COL8A2: variants seen among roughly 807,000 people sequenced by gnomAD.
COL8A2 encodes collagen type VIII alpha 2 chain, also known as collagen alpha-2(VIII) chain.
Under a neutral mutation model 24.0 loss-of-function variants are expected in COL8A2, and 16 were observed. The ratio of observed to expected loss-of-function variants is 0.67; its 90% CI spans 0.45 to 1.01. The LOEUF is 1.01. Among genes scored for constraint, COL8A2 ranks in the 50% least tolerant of loss-of-function variants. The pLI, the probability that COL8A2 is intolerant of heterozygous loss-of-function variation, is 0.00. For missense variants in COL8A2, 818 were observed against 942.4 expected (o/e 0.87, Z 1.73); for synonymous variants, 466 against 424.5 (o/e 1.10, Z -1.20).
In COL8A2 at chr1:36,115,084, C is replaced by G. The variant is rs1234151590; in HGVS notation, c.-17+624G>C. 6.6e-6 allele frequency among the ~76,000 whole-genome samples: 1 copy of G among 152,144 alleles called. No individual in the cohort carries two copies. The highest frequency in any genetic ancestry group is 1.5e-5 in the Non-Finnish European group (1 of 68,016). ...CAGCCATGTACCCTCAGGCAGGTAGCCAGGCAGCTGGCCCTTCCCCACCCA... is the reference window on the plus strand; with the variant it reads ...CAGCCATGTACCCTCAGGCAGGTAGGCAGGCAGCTGGCCCTTCCCCACCCA... On this transcript the variant is annotated intron_variant, in intron 2 of 3. Transcript: ENST00000397799. This position sits in a 1 kb window ranked among gnomAD's most constrained non-coding sequence, Gnocchi z 5.7.
chr1:36,098,940 G>T lies in COL8A2; in HGVS notation c.741C>A (p.Ala247=). Residue 247 remains alanine (A), a synonymous_variant, in exon 4 of 4, where the codon GCC becomes GCA. Transcript: ENST00000397799. ...GCCCAGACTCACCCTTGTCTCCTGG[G>T]GCCCCAGGAAGCCCATCCAAACCAG... ...GKPGLDGLPG[A]PGDKGESGPP... is the part of the protein sequence containing the mutation. 1 of 1,611,196 alleles carries T rather than the reference G, an allele frequency of 6.2e-7. No homozygotes were observed. Among genetic ancestry groups the T allele is most frequent in the South Asian group, 1.1e-5 (1 of 91,032 alleles).
In COL8A2 at chr1:36,098,204, CA is replaced by C. The variant is rs1643606960; in HGVS notation, c.1476del (p.Gly493GlufsTer100). 11 of 1,538,878 alleles carry C rather than the reference CA, an allele frequency of 7.1e-6. No homozygotes were observed. Among genetic ancestry groups the C allele is most frequent in the Non-Finnish European group, 9.6e-6 (11 of 1,143,524 alleles). On this transcript the variant is annotated frameshift_variant, in exon 4 of 4. Transcript: ENST00000397799. LOFTEE classifies it high-confidence loss of function. ...LKGEPGLPGP[P>X]GEGRAGEPGT... is the part of the protein sequence containing the mutation. ...CCAGGTTCCCCTGCTCTCCCCTCTCCAGGGGGCCCTGGCAGGCCTGGTTCCC... is the reference window on the plus strand; with the variant it reads ...CCAGGTTCCCCTGCTCTCCCCTCTCCGGGGGCCCTGGCAGGCCTGGTTCCC...
At chr1:36,099,576 T>A in intron 3 of COL8A2, 89 bp from the exon 4 acceptor site, 1 of 975,484 alleles carries the variant, frequency 1.0e-6, no homozygotes, top group Non-Finnish European at 1.6e-6. Flanking sequence ...CAGTATGAGG[T>A]ACACGGGAGA....
chr1:36,117,304 C>T (rs964063319), intron 1 of COL8A2, among the ~76,000 whole-genome samples: 1 of 152,264 alleles, frequency 6.6e-6, no homozygotes, highest in African/African-American at 2.4e-5. Context: ...CCCTCCAGCT[C>T]AGCTTAGCCC....
intron 2 of COL8A2, among the ~76,000 whole-genome samples, chr1:36,111,590 A>C (rs182001799): frequency 1.3e-5 from 2 of 150,392 alleles, no homozygotes; most frequent in African/African-American, 4.9e-5. Context: ...TCTGTCACCC[A>C]GGCTGGAGTT....
intron 2 of COL8A2, among the ~76,000 whole-genome samples, chr1:36,114,218 C>T (rs1402128706): frequency 1.3e-5 from 2 of 149,936 alleles, no homozygotes; most frequent in Admixed American, 6.7e-5. Context: ...ACTCGGGAGG[C>T]TGAGGAAGGA....
Position 36,115,199 on chromosome 1 carries a change from G to C in COL8A2, c.-17+509C>G, listed in dbSNP as rs922335744. ...AACTGGACATCCGAGGGCCCCTACA[G>C]ACCCAGCCACCCCCAGGCCTCAGGC... On this transcript the variant is annotated intron_variant, in intron 2 of 3. Transcript: ENST00000397799. The surrounding 1 kb of genome is among the most constrained non-coding windows in gnomAD (Gnocchi z 5.7). Among the ~76,000 whole-genome samples, 8 of 152,180 alleles carry C rather than the reference G, an allele frequency of 5.3e-5. No homozygotes were observed. The highest frequency in any genetic ancestry group is 1.9e-4 in the African/African-American group (8 of 41,450).
intron 1 of COL8A2, among the ~76,000 whole-genome samples, chr1:36,119,692 A>G (rs1381085829): frequency 6.6e-6 from 1 of 152,256 alleles, no homozygotes; most frequent in African/African-American, 2.4e-5. Flanking sequence ...GGCAGCCAGC[A>G]CAGTGGGAAG....
intron 2 of COL8A2, among the ~76,000 whole-genome samples, chr1:36,107,710 G>A (rs1006257584): frequency 6.6e-5 from 10 of 152,164 alleles, no homozygotes; most frequent in Middle Eastern, 3.4e-3. Context: ...CAGGGACGAC[G>A]GTTTGCCCCC....
Position 36,106,261 on chromosome 1 carries a change from C to CA in COL8A2, c.-16-6004dup, listed in dbSNP as rs565342046. On this transcript the variant is annotated intron_variant, in intron 2 of 3. Transcript: ENST00000397799. ...CTTGGGCGACAGAGAGAGACTCCGT[C>CA]AAAAAAAAAACAACAAAAAAAAAAA... is the stretch of plus-strand genomic sequence containing the variant. Among the ~76,000 whole-genome samples, 239 of 125,984 alleles carry CA rather than the reference C, an allele frequency of 1.9e-3. 2 individuals are homozygous for CA. The East Asian group carries it at 0.021, about 11-fold the overall frequency. The allele number at this position is 125,984 out of a possible 152,430, so 82.7% of individuals were successfully genotyped here.
chr1:36,119,760 G>T (rs555238337), intron 1 of COL8A2, among the ~76,000 whole-genome samples: 1 of 152,216 alleles, frequency 6.6e-6, no homozygotes. Context: ...GACACTGGAC[G>T]GGTGTGGAGA....
Position 36,100,026 on chromosome 1 carries a change from ACTGTGGGGT to A in COL8A2, c.193+15_193+23del. Reference sequence around the variant, plus strand: ...TTGGGGGCTGGGAGCGATTTGAGGCACTGTGGGGTGAGGAGGCTCTCACCCAGGTACTGG... The same window carrying A: ...TTGGGGGCTGGGAGCGATTTGAGGCAGAGGAGGCTCTCACCCAGGTACTGG... On this transcript the variant is annotated intron_variant, in intron 3 of 3. Transcript: ENST00000397799. 2.5e-6 allele frequency: 4 copies of A among 1,605,588 alleles called. No homozygotes were observed. The highest frequency in any genetic ancestry group is 3.4e-6 in the Non-Finnish European group (4 of 1,173,294).
At position 36,095,740 on chromosome 1, in the gene COL8A2, C is replaced by G. The variant is rs1369249152; in HGVS notation, c.*1829G>C. The G allele has an allele frequency of 6.6e-6, 1 of 152,112 alleles. No homozygotes were observed. The highest frequency in any genetic ancestry group is 1.5e-5 in the Non-Finnish European group (1 of 68,024). 9.4% of individuals were successfully genotyped at this position (152,112 alleles called of 1,614,324 possible). ...TGCCAATCAGAACCCATCCCTAACA[C>G]ATCAGATGATAGTGGCTTTGACCTA... On this transcript the variant is annotated 3_prime_UTR_variant, in exon 4 of 4. Transcript: ENST00000397799.
At chr1:36,121,946 A>G (rs1643917627) in intron 1 of COL8A2, among the ~76,000 whole-genome samples, 1 of 152,042 alleles carries the variant, frequency 6.6e-6, no homozygotes, top group Non-Finnish European at 1.5e-5. Context: ...CCCATGAGGC[A>G]CTAGCCCTCC....
chr1:36,118,912 G>C (rs976029773), intron 1 of COL8A2, among the ~76,000 whole-genome samples: 2 of 152,310 alleles, frequency 1.3e-5, no homozygotes, highest in Admixed American at 1.3e-4. Flanking sequence ...CGGATTAAGA[G>C]GACCTCTCTG....
At position 36,103,662 on chromosome 1, in the gene COL8A2, C is replaced by T. The variant is rs1643714328; in HGVS notation, c.-16-3404G>A. ...TGAATGGCACAATCTCAGCTCACTG[C>T]AACCTCTGCTTCCCGGGTTCAAGCT... On this transcript the variant is annotated intron_variant, in intron 2 of 3. Transcript: ENST00000397799. 3.3e-5 allele frequency among the ~76,000 whole-genome samples: 5 copies of T among 151,916 alleles called. 1 individual carries two copies. The South Asian group carries it at 1.0e-3, about 32-fold the overall frequency.
chr1:36,114,373 AG>A (rs1221320528), intron 2 of COL8A2, among the ~76,000 whole-genome samples: 1 of 149,904 alleles, frequency 6.7e-6, no homozygotes, highest in African/African-American at 2.5e-5. Context: ...AGCCTGGAGG[AG>A]GCCCACGGAT....
chr1:36,111,158 C>A (rs945795161), intron 2 of COL8A2, among the ~76,000 whole-genome samples: 1 of 152,134 alleles, frequency 6.6e-6, no homozygotes, highest in East Asian at 1.9e-4. Flanking sequence ...CTGCCCTTGC[C>A]CCCAGTCTCC....
Position 36,125,032 on chromosome 1 carries a change from C to T in COL8A2, c.-62+25G>A. ...CCCTCGGAGCCCCCCAGCCCGAGCC[C>T]CGGTGCCCGCCTCCTGGCCTTTACC... is the stretch of plus-strand genomic sequence containing the variant. On this transcript the variant is annotated intron_variant, in intron 1 of 3. Coordinates refer to ENST00000397799, the MANE Select transcript of COL8A2 (RefSeq NM_005202.4). This position sits in a 1 kb window ranked among gnomAD's most constrained non-coding sequence, Gnocchi z 4.5. 5 of 949,390 alleles carry T rather than the reference C, an allele frequency of 5.3e-6. No individual in the cohort carries two copies. The highest frequency in any genetic ancestry group is 6.3e-6 in the Non-Finnish European group (5 of 797,208). 58.8% of individuals were successfully genotyped at this position (949,390 alleles called of 1,614,324 possible).
Sources: allele counts gnomAD v4.1 joint callset (sites outside exome capture counted in the v4.1 genomes callset), GRCh38; gene constraint gnomAD v4.1.1; non-coding constraint Gnocchi (gnomAD v3.1); transcripts MANE v1.5; gene names NCBI Gene and HGNC (gene_info 2026-07-23, HGNC 2026-07-21).